TCERG1: variants seen among roughly 807,000 people sequenced by gnomAD.
The protein encoded by TCERG1 is TATA box binding protein (TBP)-associated factor, RNA polymerase II, S, 150kD.
In TCERG1, 37 loss-of-function variants were observed where a neutral mutation model predicts 144.7. The ratio of observed to expected loss-of-function variants is 0.26; its 90% CI spans 0.20 to 0.34. The LOEUF is 0.34. Ranked by LOEUF, TCERG1 falls within the 10% of genes least tolerant of loss-of-function variation. The pLI is 1.00. For synonymous variants in TCERG1, 492 were observed against 458.2 expected (o/e 1.07, Z -0.94); for missense variants, 1,027 against 1,380.7 (o/e 0.74, Z 4.06).
chr5:146,488,836 A>G (rs1184357222), intron 15 of TCERG1, among the ~76,000 whole-genome samples: 1 of 152,232 alleles, frequency 6.6e-6, no homozygotes, highest in Non-Finnish European at 1.5e-5. Flanking sequence ...GTGTCCAACA[A>G]CAGATGACTG....
chr5:146,498,793 G>T (rs746746632), intron 17 of TCERG1, 107 bp downstream of exon 17: 70 of 1,152,366 alleles, frequency 6.1e-5, no homozygotes, highest in Non-Finnish European at 7.7e-5. Flanking sequence ...ATAATAGGAC[G>T]TACATGGACT....
At chr5:146,470,571 C>A in intron 7 of TCERG1, 65 bp from the exon 8 acceptor site, 1 of 1,339,930 alleles carries the variant, frequency 7.5e-7, no homozygotes, top group Non-Finnish European at 1.0e-6. Context: ...ATGGCTTATT[C>A]TCTGAAAGTT....
chr5:146,500,119 C>T (rs552098863), intron 17 of TCERG1: 3 of 150,778 alleles, frequency 2.0e-5, no homozygotes, highest in South Asian at 2.1e-4. Flanking sequence ...TTTATTTTGG[C>T]TATAAAAATC....
intron 3 of TCERG1, among the ~76,000 whole-genome samples, chr5:146,457,587 A>G (rs556088559): frequency 2.0e-5 from 3 of 152,360 alleles, no homozygotes; most frequent in South Asian, 2.1e-4. Flanking sequence ...TCTGCCTAGC[A>G]CATACCAAAT....
chr5:146,495,912 T>G (rs1354420438), intron 16 of TCERG1, among the ~76,000 whole-genome samples: 1 of 152,182 alleles, frequency 6.6e-6, no homozygotes, highest in African/African-American at 2.4e-5. Flanking sequence ...CCCAGCACTT[T>G]GGGAGGCCGA....
At chr5:146,455,386 A>G in intron 2 of TCERG1, 105 bp downstream of exon 2, 1 of 1,263,820 alleles carries the variant, frequency 7.9e-7, no homozygotes. Context: ...AGTTTATAGG[A>G]AAATGGGAGC....
At chr5:146,457,441 T>G in intron 3 of TCERG1, 106 bp downstream of exon 3, 2 of 1,148,626 alleles carry the variant, frequency 1.7e-6, no homozygotes, top group Non-Finnish European at 2.4e-6. Context: ...GAATGAGCCC[T>G]GGGTGAGCAG....
At chr5:146,483,178 A>G (rs1765514311) in intron 14 of TCERG1, among the ~76,000 whole-genome samples, 1 of 152,208 alleles carries the variant, frequency 6.6e-6, no homozygotes, top group Admixed American at 6.5e-5. Context: ...TGAATAAGTA[A>G]AATTGTTCAA....
intron 16 of TCERG1, 126 bp from the exon 17 acceptor site, chr5:146,498,410 T>C (rs1419548376): frequency 2.1e-6 from 2 of 953,502 alleles, no homozygotes; most frequent in Non-Finnish European, 3.0e-6. Flanking sequence ...TGTTCACTGT[T>C]AGGTAGATGT....
At chr5:146,508,335 C>T (rs1170452953) in intron 21 of TCERG1, among the ~76,000 whole-genome samples, 2 of 152,168 alleles carry the variant, frequency 1.3e-5, no homozygotes, top group South Asian at 2.1e-4. Context: ...CGCTAGTTCT[C>T]ATATGCTTCA....
intron 1 of TCERG1, among the ~76,000 whole-genome samples, chr5:146,448,661 A>T (rs575411346): frequency 2.0e-4 from 31 of 152,244 alleles, no homozygotes; most frequent in Non-Finnish European, 4.3e-4. Flanking sequence ...AATGCCTTTC[A>T]GATTCTGTAT....
chr5:146,447,925 C>A (rs2150125029), intron 1 of TCERG1, among the ~76,000 whole-genome samples: 1 of 152,394 alleles, frequency 6.6e-6, no homozygotes, highest in African/African-American at 2.4e-5. Flanking sequence ...GCTTGCCTTT[C>A]TTAACTTCTG....
At chr5:146,497,265 G>C (rs1304929482) in intron 16 of TCERG1, among the ~76,000 whole-genome samples, 1 of 152,118 alleles carries the variant, frequency 6.6e-6, no homozygotes, top group Non-Finnish European at 1.5e-5. Flanking sequence ...TTGCCTCCCA[G>C]GTTCAAAAGA....
intron 1 of TCERG1, among the ~76,000 whole-genome samples, chr5:146,452,739 A>G (rs1428994538): frequency 1.3e-5 from 2 of 152,124 alleles, no homozygotes; most frequent in Admixed American, 6.5e-5. Flanking sequence ...ACAGGCGTGC[A>G]CCACCATGCC....
Position 146,503,380 on chromosome 5 carries a change from A to T in TCERG1, c.2439A>T (p.Lys813Asn). The T allele has an allele frequency of 6.2e-7, 1 of 1,612,722 alleles. No individual in the cohort carries two copies. The highest frequency in any genetic ancestry group is 8.5e-7 in the Non-Finnish European group (1 of 1,179,200). ...CTACCTGTTTTAAAATACAGATTAA[A>T]TCGGATTTCTTTGAACTATTATCTA... ...EDSKTRGEKI[K>N]SDFFELLSNH... The change falls in exon 18 of 23, where the codon AAA becomes AAT. Residue 813 changes from lysine (K) to asparagine (N), a missense_variant. Transcript: ENST00000679501.
chr5:146,489,374 C>T (rs1036972435), intron 15 of TCERG1, among the ~76,000 whole-genome samples: 7 of 152,120 alleles, frequency 4.6e-5, no homozygotes, highest in Non-Finnish European at 8.8e-5. Flanking sequence ...CCCTTGAACT[C>T]TAAGAGAAAA....
At chr5:146,486,463 A>G (rs1052229890) in intron 15 of TCERG1, among the ~76,000 whole-genome samples, 3 of 152,358 alleles carry the variant, frequency 2.0e-5, no homozygotes, top group East Asian at 1.9e-4. Flanking sequence ...AAACTAGACC[A>G]TTTGCATAAA....
rs183508302 is a variant in TCERG1, at chr5:146,507,005, T to C, written c.2782-23T>C. 1.7e-4 allele frequency: 260 copies of C among 1,539,514 alleles called. 1 individual carries two copies. In the East Asian group the frequency reaches 5.9e-3, roughly 35 times the overall value. ...ATTCAGATAAGTCTCTTTGGTGATA[T>C]ATATATAATTTTTTCTCTTCAGGTA... On this transcript the variant is annotated intron_variant, in intron 19 of 22. Coordinates refer to ENST00000679501, the MANE Select transcript of TCERG1 (RefSeq NM_001382548.1). The surrounding 1 kb of genome is among the most constrained non-coding windows in gnomAD (Gnocchi z 4.6).
intron 6 of TCERG1, 68 bp from the exon 7 acceptor site, chr5:146,469,474 CAT>C: frequency 7.9e-7 from 1 of 1,265,600 alleles, no homozygotes; most frequent in South Asian, 1.7e-5. Flanking sequence ...AGATTTAGCT[CAT>C]ATTTTAGAGT....
Sources: gnomAD v4.1 joint callset for allele counts (sites outside exome capture counted in the v4.1 genomes callset) on GRCh38, gnomAD v4.1.1 for gene constraint, Gnocchi (gnomAD v3.1) non-coding constraint, MANE v1.5 for transcripts, NCBI Gene and HGNC (gene_info 2026-07-23, HGNC 2026-07-21) for gene names.